GRIN2B: variants seen among roughly 807,000 people sequenced by gnomAD.
GRIN2B encodes the protein glutamate receptor ionotropic, NMDA 2B.
A neutral mutation model predicts 114.5 loss-of-function variants in GRIN2B; 5 were observed. That is an observed-to-expected ratio of 0.04 (90% CI 0.02 to 0.09). The LOEUF is 0.09. Among genes scored for constraint, GRIN2B ranks in the 10% least tolerant of loss-of-function variants. The probability of loss-of-function intolerance (pLI) is 1.00; values close to 1 mark genes in which losing one functional copy is unlikely to be tolerated. For missense variants in GRIN2B, 1,108 were observed against 1,943.5 expected, an observed-to-expected ratio of 0.57 and a Z score of 8.08; for synonymous variants, 787 against 745.1, an observed-to-expected ratio of 1.06 and a Z score of -0.92.
intron 4 of GRIN2B, among the ~76,000 whole-genome samples, chr12:13,715,100 T>C (rs1211686527): frequency 2.0e-5 from 3 of 151,878 alleles, no homozygotes; most frequent in Non-Finnish European, 4.4e-5. Flanking sequence ...GTGGTGATAG[T>C]TATGACGATG....
intron 3 of GRIN2B, among the ~76,000 whole-genome samples, chr12:13,758,675 T>C (rs989120510): frequency 2.0e-5 from 3 of 152,214 alleles, no homozygotes; most frequent in Non-Finnish European, 4.4e-5. Flanking sequence ...ATTTTATGAT[T>C]ATCCTTAAGA....
intron 2 of GRIN2B, among the ~76,000 whole-genome samples, chr12:13,894,272 A>G (rs185371636): frequency 6.6e-6 from 1 of 152,308 alleles, no homozygotes; most frequent in African/African-American, 2.4e-5. Context: ...AAAAAGCTTT[A>G]TATACCAAAA....
chr12:13,563,705 T>C lies in GRIN2B; in HGVS notation c.3533A>G (p.His1178Arg). ...SGGGPCTNRS[H>R]IKHGTGDKHG... ...TTTGTCGCCCGTCCCGTGCTTGATG[T>C]GAGACCTGTTGGTACAGGGCCCTCC... Residue 1178 changes from histidine to arginine, a missense_variant, in exon 14 of 14, where the codon CAC (histidine) becomes CGC (arginine). Coordinates refer to ENST00000609686, the MANE Select transcript of GRIN2B (RefSeq NM_000834.5). 1.2e-6 allele frequency: 2 copies of C among 1,613,632 alleles called. No homozygotes were observed. Among genetic ancestry groups the C allele is most frequent in the Non-Finnish European group, 1.7e-6 (2 of 1,179,982 alleles).
At chr12:13,925,773 G>T (rs1866901580) in intron 2 of GRIN2B, among the ~76,000 whole-genome samples, 1 of 152,092 alleles carries the variant, frequency 6.6e-6, no homozygotes, top group Admixed American at 6.5e-5. Flanking sequence ...CAATTTTGAT[G>T]AGCTAGTTCA....
intron 2 of GRIN2B, among the ~76,000 whole-genome samples, chr12:13,930,951 C>CA (rs1422926040): frequency 2.0e-5 from 3 of 151,702 alleles, no homozygotes; most frequent in South Asian, 2.1e-4. Flanking sequence ...ATGTGATTGT[C>CA]AAAAAAAAGC....
intron 4 of GRIN2B, among the ~76,000 whole-genome samples, chr12:13,728,536 G>A (rs1026687878): frequency 2.0e-5 from 3 of 152,122 alleles, no homozygotes; most frequent in East Asian, 3.9e-4. Flanking sequence ...CTTCAGAGAC[G>A]ATTTTTAAGA....
chr12:13,951,725 T>C (rs1320275732), intron 2 of GRIN2B, among the ~76,000 whole-genome samples: 2 of 152,070 alleles, frequency 1.3e-5, no homozygotes, highest in African/African-American at 4.8e-5. Context: ...TTCATCTCTC[T>C]CTCTAGACTG....
intron 10 of GRIN2B, among the ~76,000 whole-genome samples, chr12:13,592,727 T>C (rs1949024499): frequency 6.6e-6 from 1 of 152,152 alleles, no homozygotes; most frequent in Non-Finnish European, 1.5e-5. Flanking sequence ...TAACCTCCTT[T>C]TGGGGCATCC....
intron 2 of GRIN2B, among the ~76,000 whole-genome samples, chr12:13,954,810 G>GCAA (rs1591639381): frequency 7.7e-4 from 1 of 1,302 alleles, no homozygotes; most frequent in Non-Finnish European, 6.1e-3. Context: ...CTCCGTCTCA[G>GCAA]GAAAAAAAAA....
intron 2 of GRIN2B, among the ~76,000 whole-genome samples, chr12:13,899,298 A>C (rs1866405551): frequency 6.6e-6 from 1 of 152,224 alleles, no homozygotes; most frequent in Admixed American, 6.5e-5. Context: ...CAGCTTCTTT[A>C]AATTGGAAAA....
chr12:13,653,528 GAA>G (rs1949837728), intron 5 of GRIN2B, among the ~76,000 whole-genome samples: 1 of 151,990 alleles, frequency 6.6e-6, no homozygotes, highest in Admixed American at 6.6e-5. Context: ...AGTAAAGATG[GAA>G]GGTAAGGGGA....
rs1428573311 is a variant in GRIN2B, at chr12:13,555,404, T to G, written c.*7379A>C. 6.6e-6 allele frequency: 1 copy of G among 152,202 alleles called. No individual in the cohort carries two copies. The highest frequency in any genetic ancestry group is 6.6e-5 in the Admixed American group (1 of 15,252). The allele number at this position is 152,202 out of a possible 1,614,324, so 9.4% of individuals were successfully genotyped here. A position where few individuals can be genotyped will look rare whatever the true frequency, so the allele number is the denominator to read the frequency against. ...AGTGGAGAAAGAAAGACTACCCTTT[T>G]GAGAAGTTGGGAAGTGAAAAGATAG... On this transcript the variant is annotated 3_prime_UTR_variant, in exon 14 of 14. Coordinates refer to ENST00000609686, the MANE Select transcript of GRIN2B (RefSeq NM_000834.5).
At chr12:13,697,956 G>A (rs917819563) in intron 4 of GRIN2B, among the ~76,000 whole-genome samples, 1 of 152,206 alleles carries the variant, frequency 6.6e-6, no homozygotes, top group African/African-American at 2.4e-5. Flanking sequence ...CATCTGACAT[G>A]TAGAATGATA....
chr12:13,959,321 G>C (rs768037776), intron 2 of GRIN2B, among the ~76,000 whole-genome samples: 1 of 152,220 alleles, frequency 6.6e-6, no homozygotes, highest in Non-Finnish European at 1.5e-5. Context: ...GTAACACAAA[G>C]GCAGGCAGCC....
intron 3 of GRIN2B, among the ~76,000 whole-genome samples, chr12:13,782,297 ACTCT>A (rs962943587): frequency 6.7e-6 from 1 of 149,234 alleles, no homozygotes; most frequent in African/African-American, 2.5e-5. Flanking sequence ...ACACACACAC[ACTCT>A]CTCTCTCTCT....
chr12:13,818,524 C>A (rs1864871877), intron 3 of GRIN2B, among the ~76,000 whole-genome samples: 1 of 152,176 alleles, frequency 6.6e-6, no homozygotes, highest in Admixed American at 6.5e-5. Flanking sequence ...GTATATATTT[C>A]TCATTATTCT....
At chr12:13,749,987 G>A (rs1863454027) in intron 4 of GRIN2B, among the ~76,000 whole-genome samples, 1 of 152,214 alleles carries the variant, frequency 6.6e-6, no homozygotes, top group Non-Finnish European at 1.5e-5. Context: ...ACATCCAAGA[G>A]ATGTCCAGCG....
chr12:13,705,484 A>G (rs919307582), intron 4 of GRIN2B, among the ~76,000 whole-genome samples: 1 of 152,186 alleles, frequency 6.6e-6, no homozygotes, highest in African/African-American at 2.4e-5. Context: ...GCACACAAAT[A>G]TACGTTCATA....
chr12:13,682,969 C>T (rs1420803561), intron 4 of GRIN2B, among the ~76,000 whole-genome samples: 4 of 152,106 alleles, frequency 2.6e-5, no homozygotes, highest in Non-Finnish European at 5.9e-5. Flanking sequence ...GAACATTAAC[C>T]TCCCTCCAGA....
Sources: allele counts gnomAD v4.1 joint callset (sites outside exome capture counted in the v4.1 genomes callset), GRCh38; gene constraint gnomAD v4.1.1; transcripts MANE v1.5; gene names NCBI Gene and HGNC (gene_info 2026-07-23, HGNC 2026-07-21).